The following PCGF3 variants were observed in gnomAD, a reference collection of about 807,000 sequenced individuals.
The protein encoded by PCGF3 is polycomb group ring finger 3, also known as polycomb group RING finger protein 3.
PCGF3 carries 7 observed loss-of-function variants against 33.1 expected under a neutral mutation model. The observed-to-expected ratio is 0.21, with a 90% CI of 0.12 to 0.40. PCGF3 has a LOEUF of 0.40. Among genes scored for constraint, PCGF3 ranks in the 10% least tolerant of loss-of-function variants. The pLI, the probability that PCGF3 is intolerant of heterozygous loss-of-function variation, is 1.00. For missense variants in PCGF3, 211 were observed against 313.3 expected, an observed-to-expected ratio of 0.67 and a Z score of 2.46; for synonymous variants, 153 against 121.3, an observed-to-expected ratio of 1.26 and a Z score of -1.72.
chr4:762,145 C>T (rs1160028131), intron 9 of PCGF3: 2 of 930,410 alleles, frequency 2.1e-6, no homozygotes, highest in Non-Finnish European at 2.6e-6. Flanking sequence ...CATCCTAACC[C>T]CCAGAGCCTG....
chr4:755,520 A>G (rs571999172), intron 8 of PCGF3, among the ~76,000 whole-genome samples: 4 of 152,226 alleles, frequency 2.6e-5, no homozygotes, highest in African/African-American at 7.2e-5. Context: ...TCTTCGACCT[A>G]TCATCATCCA....
rs1369461818 is a variant in PCGF3 at position 710,471 on chromosome 4, A to G, written c.-190+4501A>G. ...TACGATGGGCAGGTGGGGTCACTGGAACACTTAAAGCCTGCCCAGCACAGC... is the reference window on the plus strand; with the variant it reads ...TACGATGGGCAGGTGGGGTCACTGGGACACTTAAAGCCTGCCCAGCACAGC... On this transcript the variant is annotated intron_variant, in intron 1 of 10. Coordinates refer to ENST00000362003, the Ensembl canonical transcript of PCGF3. Among the ~76,000 whole-genome samples, 3 of 152,230 alleles carry G rather than the reference A, an allele frequency of 2.0e-5. No homozygotes were observed. In the South Asian group the frequency reaches 6.2e-4, roughly 32 times the overall value.
chr4:751,512 G>A (rs997330573), intron 8 of PCGF3, among the ~76,000 whole-genome samples: 1 of 152,006 alleles, frequency 6.6e-6, no homozygotes, highest in Non-Finnish European at 1.5e-5. Context: ...CGGGCTGTGT[G>A]TTGTCCCCCT....
chr4:752,822 C>T (rs1744586420), intron 8 of PCGF3, among the ~76,000 whole-genome samples: 2 of 152,260 alleles, frequency 1.3e-5, no homozygotes, highest in South Asian at 2.1e-4. Context: ...TTCCCGCCGC[C>T]TTCAGGCCCC....
intron 3 of PCGF3, 129 bp from the exon 4 acceptor site, chr4:733,543 C>T: frequency 1.1e-6 from 1 of 887,768 alleles, no homozygotes; most frequent in South Asian, 1.7e-5. Flanking sequence ...CCCCGTGAGC[C>T]CAAGAGGCTC....
At chr4:753,746 G>A (rs897199460) in intron 8 of PCGF3, among the ~76,000 whole-genome samples, 22 of 151,964 alleles carry the variant, frequency 1.4e-4, no homozygotes, top group South Asian at 2.1e-4. Flanking sequence ...TCAGGAGTGC[G>A]AGACCAGCCT....
chr4:733,412 G>C (rs556360711), intron 3 of PCGF3, among the ~76,000 whole-genome samples: 68 of 152,354 alleles, frequency 4.5e-4, no homozygotes, highest in African/African-American at 1.5e-3. Context: ...AGGAGAGGAG[G>C]GGGTGTTGGG....
At chr4:763,661 G>A (rs760197902) in intron 9 of PCGF3, among the ~76,000 whole-genome samples, 3 of 152,172 alleles carry the variant, frequency 2.0e-5, no homozygotes, top group Non-Finnish European at 2.9e-5. Flanking sequence ...GGCAGCTGCT[G>A]ACAACACGAA....
At chr4:739,591 C>T (rs754937255) in intron 6 of PCGF3, among the ~76,000 whole-genome samples, 8 of 152,176 alleles carry the variant, frequency 5.3e-5, no homozygotes, top group African/African-American at 9.7e-5. Context: ...GGTTGTCCTG[C>T]GGCAGTGGAC....
Position 739,198 on chromosome 4 carries a change from T to G in PCGF3, c.262+1677T>G, listed in dbSNP as rs549197637. Among the ~76,000 whole-genome samples, 162 of 152,238 alleles carry G rather than the reference T, an allele frequency of 1.1e-3. 1 individual carries two copies. The highest frequency in any genetic ancestry group is 3.7e-3 in the African/African-American group (152 of 41,560). On this transcript the variant is annotated intron_variant, in intron 6 of 10. Transcript: ENST00000362003. ...TCTCATAAATGCGGTGCTTTTTGGT[T>G]GTTGTTTATTTCTTTATTTATTTTG...
intron 8 of PCGF3, among the ~76,000 whole-genome samples, chr4:760,396 C>G (rs1022937016): frequency 6.6e-6 from 1 of 151,294 alleles, no homozygotes; most frequent in African/African-American, 2.4e-5. Context: ...GGACATTAAT[C>G]TGTCCTCGGC....
intron 8 of PCGF3, among the ~76,000 whole-genome samples, chr4:750,937 C>T (rs1744484022): frequency 6.6e-6 from 1 of 152,130 alleles, no homozygotes; most frequent in African/African-American, 2.4e-5. Flanking sequence ...TGCTTCCACC[C>T]TCCCTGTCAT....
At chr4:723,858 C>T (rs1373996806) in intron 1 of PCGF3, 1 of 152,454 alleles carries the variant, frequency 6.6e-6, no homozygotes, top group East Asian at 1.9e-4. Context: ...CTGGCTGGCT[C>T]CCCAGAAGGC....
At chr4:741,777 A>G (rs921585127) in intron 6 of PCGF3, among the ~76,000 whole-genome samples, 1 of 152,084 alleles carries the variant, frequency 6.6e-6, no homozygotes, top group African/African-American at 2.4e-5. Context: ...CTTTATTCTT[A>G]CAGGTGAAAA....
At chr4:755,036 C>CT (rs1744706202) in intron 8 of PCGF3, among the ~76,000 whole-genome samples, 1 of 152,212 alleles carries the variant, frequency 6.6e-6, no homozygotes, top group African/African-American at 2.4e-5. Flanking sequence ...AGCGACAGGT[C>CT]TTTCTGCAGT....
chr4:750,829 A>G (rs1744478158), intron 8 of PCGF3, among the ~76,000 whole-genome samples: 1 of 148,516 alleles, frequency 6.7e-6, no homozygotes, highest in Non-Finnish European at 1.5e-5. Context: ...ACCTTTTGCC[A>G]GTGTGGATTC....
intron 4 of PCGF3, 40 bp from the exon 5 acceptor site, chr4:734,891 C>T: frequency 1.9e-6 from 3 of 1,601,006 alleles, no homozygotes; most frequent in Non-Finnish European, 2.6e-6. Flanking sequence ...GGCGCCCTGG[C>T]TCTAGACGCT....
At chr4:768,612 C>T (rs781680661) in exon 11 of PCGF3, 26 of 151,706 alleles carry the variant, frequency 1.7e-4, no homozygotes, top group Admixed American at 3.9e-4. Context: ...ACGGTCTCAC[C>T]GATGCAGTTT....
At chr4:752,081 T>C (rs1744540577) in intron 8 of PCGF3, among the ~76,000 whole-genome samples, 1 of 152,262 alleles carries the variant, frequency 6.6e-6, no homozygotes, top group Non-Finnish European at 1.5e-5. Context: ...TCTTTCTGTT[T>C]TCCGAGGGAG....
Sources: allele counts gnomAD v4.1 joint callset (sites outside exome capture counted in the v4.1 genomes callset), GRCh38; gene constraint gnomAD v4.1.1; transcripts MANE v1.5; gene names NCBI Gene and HGNC (gene_info 2026-07-23, HGNC 2026-07-21).